VPS4A: variants seen among roughly 807,000 people sequenced by gnomAD.
VPS4A encodes vacuolar protein sorting-associated protein 4A.
Under a neutral mutation model 52.3 loss-of-function variants are expected in VPS4A, and 20 were observed. That is an observed-to-expected ratio of 0.38 (90% CI 0.27 to 0.56). VPS4A has a LOEUF of 0.56. Ranked by LOEUF, VPS4A falls within the 20% of genes least tolerant of loss-of-function variation. The pLI, the probability that VPS4A is intolerant of heterozygous loss-of-function variation, is 0.72. For missense variants in VPS4A, 419 were observed against 575.9 expected, an observed-to-expected ratio of 0.73 and a Z score of 2.79; for synonymous variants, 293 against 227.7, an observed-to-expected ratio of 1.29 and a Z score of -2.58.
At chr16:69,323,556 C>G (rs192069108) in intron 10 of VPS4A, 52 of 445,692 alleles carry the variant, frequency 1.2e-4, no homozygotes, top group African/African-American at 9.2e-4. Flanking sequence ...TGTGTCAAGA[C>G]TGTGACGCAG....
Position 69,321,045 on chromosome 16 carries a change from C to G in VPS4A, c.852-6C>G, listed in dbSNP as rs779690903. On this transcript the variant is annotated splice_region_variant and splice_polypyrimidine_tract_variant and intron_variant, in intron 8 of 10. Transcript: ENST00000254950. This position sits in a 1 kb window ranked among gnomAD's most constrained non-coding sequence, Gnocchi z 4.5. Reference sequence around the variant, plus strand: ...GTCAACTCCTGCCGTGTGCTGGGCTCTCTAGGTTTGAAAAACGAATTTATA... The same window carrying G: ...GTCAACTCCTGCCGTGTGCTGGGCTGTCTAGGTTTGAAAAACGAATTTATA... 18 of 1,573,772 alleles carry G rather than the reference C, an allele frequency of 1.1e-5. No individual in the cohort carries two copies. Among genetic ancestry groups the G allele is most frequent in the Middle Eastern group, 1.7e-4 (1 of 6,014 alleles).
intron 10 of VPS4A, 144 bp downstream of exon 10, chr16:69,322,844 CA>C (rs1299689614): frequency 9.6e-7 from 1 of 1,038,782 alleles, no homozygotes; most frequent in East Asian, 2.7e-5. Flanking sequence ...CCAGGGTGGG[CA>C]GATCACAAGG....
rs1428308202 is a variant in VPS4A, at chr16:69,311,821, G to C, written c.21+289G>C. The stretch of plus-strand genomic sequence containing the variant: ...CGTGGGGATCAGCCTCACCCGAGCC[G>C]CACAGGCACCCTCAGGAAGCTCGGC... On this transcript the variant is annotated intron_variant, in intron 1 of 10. Coordinates refer to ENST00000254950, the MANE Select transcript of VPS4A (RefSeq NM_013245.3). Among the ~76,000 whole-genome samples, 4 of 152,340 alleles carry C rather than the reference G, an allele frequency of 2.6e-5. No homozygotes were observed. The South Asian group carries it at 6.2e-4, about 24-fold the overall frequency.
chr16:69,318,880 G>A lies in VPS4A; in HGVS notation c.401G>A (p.Gly134Glu), dbSNP rs1424893027. 6.2e-7 allele frequency: 1 copy of A among 1,613,726 alleles called. No individual in the cohort carries two copies. The highest frequency in any genetic ancestry group is 1.1e-5 in the South Asian group (1 of 91,080). ...IRWNDVAGLEGAKEALKEAVI... is the reference protein window; with the variant it reads ...IRWNDVAGLEEAKEALKEAVI... Reference sequence around the variant, plus strand: ...TGGAACGACGTGGCCGGGCTGGAGGGGGCCAAGGAGGCCCTCAAAGAAGCT... The same window carrying A: ...TGGAACGACGTGGCCGGGCTGGAGGAGGCCAAGGAGGCCCTCAAAGAAGCT... Residue 134 changes from glycine (G) to glutamate (E), a missense_variant, in exon 5 of 11, where the codon GGG (glycine) becomes GAG (glutamate). Around this residue, in one of 3 missense-constraint regions of VPS4A, gnomAD observed 103 missense variants for 210.3 expected, o/e 0.49. Coordinates refer to ENST00000254950, the MANE Select transcript of VPS4A (RefSeq NM_013245.3).
intron 3 of VPS4A, among the ~76,000 whole-genome samples, chr16:69,316,765 T>G (rs1292000267): frequency 2.0e-5 from 3 of 152,142 alleles, no homozygotes; most frequent in Non-Finnish European, 4.4e-5. Context: ...CCTTGGAGCT[T>G]GGCACACGAG....
chr16:69,324,460 A>C lies in VPS4A; in HGVS notation c.*151A>C. Reference sequence around the variant, plus strand: ...TCTGGCCGTCTGCCAGGGAGCCAGAAGGAAGGGCCTTGCAGCCACAGAGAC... The same window carrying C: ...TCTGGCCGTCTGCCAGGGAGCCAGACGGAAGGGCCTTGCAGCCACAGAGAC... On this transcript the variant is annotated 3_prime_UTR_variant, in exon 11 of 11. Coordinates refer to ENST00000254950, the MANE Select transcript of VPS4A (RefSeq NM_013245.3). 4 of 807,634 alleles carry C rather than the reference A, an allele frequency of 5.0e-6. No individual in the cohort carries two copies. The highest frequency in any genetic ancestry group is 8.0e-6 in the Non-Finnish European group (4 of 502,448). 50.0% of individuals were successfully genotyped at this position (807,634 alleles called of 1,614,324 possible). A position where few individuals can be genotyped will look rare whatever the true frequency, so the allele number is the denominator to read the frequency against.
intron 3 of VPS4A, 57 bp from the exon 4 acceptor site, chr16:69,318,593 G>C (rs531544762): frequency 1.4e-5 from 22 of 1,559,480 alleles, no homozygotes; most frequent in Non-Finnish European, 1.9e-5. Context: ...CTTGCTGGGA[G>C]CACCTCTGTG....
In VPS4A at chr16:69,326,925, T is replaced by G. The variant is rs1039512153; in HGVS notation, c.*2616T>G. 6.6e-6 allele frequency: 1 copy of G among 152,166 alleles called. No homozygotes were observed. Among genetic ancestry groups the G allele is most frequent in the African/African-American group, 2.4e-5 (1 of 41,432 alleles). 9.4% of individuals were successfully genotyped at this position (152,166 alleles called of 1,614,324 possible). On this transcript the variant is annotated 3_prime_UTR_variant, in exon 11 of 11. Transcript: ENST00000254950. ...ATTTTACTGGAAATGCAATAAAGTT[T>G]GCATTTTATTGCTACCGATGCCCAC...
rs868005614 is a variant in VPS4A at position 69,311,519 on chromosome 16, C to T, written c.8C>T (p.Thr3Met). Reference sequence around the variant, plus strand: ...GCGGACCCAGGAGATGAAATGACAACGTCAACCCTCCAGGTACTTCGTGCG... The same window carrying T: ...GCGGACCCAGGAGATGAAATGACAATGTCAACCCTCCAGGTACTTCGTGCG... The part of the protein sequence containing the change: MT[T>M]STLQKAIDLV... The change falls in exon 1 of 11, where the codon ACG (threonine) becomes ATG (methionine). Residue 3 changes from threonine (T) to methionine (M), a missense_variant. By Grantham distance (81) the Thr-to-Met change is moderately conservative. Coordinates refer to ENST00000254950, the MANE Select transcript of VPS4A (RefSeq NM_013245.3). 7.4e-7 allele frequency: 1 copy of T among 1,357,078 alleles called. No individual in the cohort carries two copies. Among genetic ancestry groups the T allele is most frequent in the Non-Finnish European group, 9.6e-7 (1 of 1,042,138 alleles). 84.1% of individuals were successfully genotyped at this position (1,357,078 alleles called of 1,614,324 possible).
intron 3 of VPS4A, among the ~76,000 whole-genome samples, chr16:69,318,300 C>T (rs986062474): frequency 6.6e-6 from 1 of 152,196 alleles, no homozygotes. Flanking sequence ...TGCAGGTGGC[C>T]TCCCAGAGTA....
At chr16:69,311,655 C>G (rs1965379427) in intron 1 of VPS4A, 123 bp downstream of exon 1, 2 of 1,003,634 alleles carry the variant, frequency 2.0e-6, no homozygotes, top group East Asian at 3.8e-5. Flanking sequence ...CGACCCCGCT[C>G]CGGCCGCCCC....
chr16:69,321,185 A>T lies in VPS4A; in HGVS notation c.986A>T (p.Tyr329Phe). 1 of 1,573,930 alleles carries T rather than the reference A, an allele frequency of 6.4e-7. No homozygotes were observed. The highest frequency in any genetic ancestry group is 8.6e-7 in the Non-Finnish European group (1 of 1,160,422). ...GAGCTGGCCCGGAAGACGGAAGGCT[A>T]CTCGGGCGCGGACATCAGCATCATC... ...IHELARKTEG[Y>F]SGADISIIVR... The change falls in exon 9 of 11, where the codon TAC becomes TTC. Residue 329 changes from tyrosine to phenylalanine, a missense_variant. Physicochemically the swap from Tyr to Phe is conservative, Grantham distance 22. This residue lies in a region of VPS4A where 185 missense variants were observed against 200.2 expected (regional missense o/e 0.92). Coordinates refer to ENST00000254950, the MANE Select transcript of VPS4A (RefSeq NM_013245.3). The surrounding 1 kb of genome is among the most constrained non-coding windows in gnomAD (Gnocchi z 4.5).
In VPS4A at chr16:69,320,301, G is replaced by A. The variant is rs773272606; in HGVS notation, c.769+12G>A. ...GGTCCAGATGCAGGGTGTGTGCCGG[G>A]CCCAGGGCCCCCTTGGTTCTTGTTG... On this transcript the variant is annotated intron_variant, in intron 7 of 10. Transcript: ENST00000254950. This position sits in a 1 kb window ranked among gnomAD's most constrained non-coding sequence, Gnocchi z 4.2. The A allele has an allele frequency of 6.2e-7, 1 of 1,609,912 alleles. No individual in the cohort carries two copies. Among genetic ancestry groups the A allele is most frequent in the Non-Finnish European group, 8.5e-7 (1 of 1,176,532 alleles).
In VPS4A at chr16:69,321,247, C is replaced by A; in HGVS notation, c.1048C>A (p.Gln350Lys). Residue 350 changes from glutamine to lysine, a missense_variant, in exon 9 of 11, where the codon CAG becomes AAG. Gln to Lys is a moderately conservative substitution (Grantham distance 53, BLOSUM62 1). Around this residue, in one of 3 missense-constraint regions of VPS4A, gnomAD observed 185 missense variants for 200.2 expected, o/e 0.92. Coordinates refer to ENST00000254950, the MANE Select transcript of VPS4A (RefSeq NM_013245.3). The surrounding 1 kb of genome is among the most constrained non-coding windows in gnomAD (Gnocchi z 4.5). ...DSLMQPVRKVQSATHFKKVCG... is the reference protein window; with the variant it reads ...DSLMQPVRKVKSATHFKKVCG... ...TCTCATGCAGCCCGTGAGGAAGGTGCAGTCGGCCACACACTTCAAAAAGGT... is the reference window on the plus strand; with the variant it reads ...TCTCATGCAGCCCGTGAGGAAGGTGAAGTCGGCCACACACTTCAAAAAGGT... 6.4e-7 allele frequency: 1 copy of A among 1,556,440 alleles called. No homozygotes were observed. Among genetic ancestry groups the A allele is most frequent in the East Asian group, 2.4e-5 (1 of 41,274 alleles).
In VPS4A at chr16:69,311,358, A is replaced by C. The variant is rs1366200595; in HGVS notation, c.-154A>C. The C allele has an allele frequency of 1.2e-6, 1 of 804,098 alleles. No homozygotes were observed. The highest frequency in any genetic ancestry group is 1.7e-6 in the Non-Finnish European group (1 of 599,586). The allele number at this position is 804,098 out of a possible 1,614,324, so 49.8% of individuals were successfully genotyped here. The stretch of plus-strand genomic sequence containing the variant: ...GGCTGCGCTCCTCGCTTGCCCTCGG[A>C]CTCGGCTCCCGCTGCGAGCGGCCGC... On this transcript the variant is annotated 5_prime_UTR_variant, in exon 1 of 11. Coordinates refer to ENST00000254950, the MANE Select transcript of VPS4A (RefSeq NM_013245.3).
At chr16:69,318,219 C>G (rs1022836050) in intron 3 of VPS4A, among the ~76,000 whole-genome samples, 1 of 152,152 alleles carries the variant, frequency 6.6e-6, no homozygotes, top group East Asian at 1.9e-4. Context: ...GCGATCCTCC[C>G]GCCTCAGCCT....
chr16:69,320,302 C>T lies in VPS4A; in HGVS notation c.769+13C>T, dbSNP rs369430102. 246 of 1,609,168 alleles carry T rather than the reference C, an allele frequency of 1.5e-4. No individual in the cohort carries two copies. The highest frequency in any genetic ancestry group is 1.9e-4 in the Non-Finnish European group (218 of 1,176,072). ...GTCCAGATGCAGGGTGTGTGCCGGGCCCAGGGCCCCCTTGGTTCTTGTTGC... is the reference window on the plus strand; with the variant it reads ...GTCCAGATGCAGGGTGTGTGCCGGGTCCAGGGCCCCCTTGGTTCTTGTTGC... On this transcript the variant is annotated intron_variant, in intron 7 of 10. Coordinates refer to ENST00000254950, the MANE Select transcript of VPS4A (RefSeq NM_013245.3). This position sits in a 1 kb window ranked among gnomAD's most constrained non-coding sequence, Gnocchi z 4.2.
Position 69,321,020 on chromosome 16 carries a change from G to C in VPS4A, c.852-31G>C, listed in dbSNP as rs1467792303. 2 of 1,548,288 alleles carry C rather than the reference G, an allele frequency of 1.3e-6. No homozygotes were observed. Among genetic ancestry groups the C allele is most frequent in the South Asian group, 1.2e-5 (1 of 84,204 alleles). On this transcript the variant is annotated intron_variant, in intron 8 of 10. Coordinates refer to ENST00000254950, the MANE Select transcript of VPS4A (RefSeq NM_013245.3). This position sits in a 1 kb window ranked among gnomAD's most constrained non-coding sequence, Gnocchi z 4.5. The stretch of plus-strand genomic sequence containing the variant: ...CGTGAATACCATTCCATCATCCGCT[G>C]TCAACTCCTGCCGTGTGCTGGGCTC...
intron 1 of VPS4A, among the ~76,000 whole-genome samples, chr16:69,312,240 C>G (rs1965386490): frequency 6.6e-6 from 1 of 152,060 alleles, no homozygotes. Flanking sequence ...TGGGGTAATG[C>G]CCTCTAGGTT....
Sources: gnomAD v4.1 joint callset for allele counts (sites outside exome capture counted in the v4.1 genomes callset) on GRCh38, gnomAD v4.1.1 for gene constraint, gnomAD v4.1.1 regional missense constraint, Gnocchi (gnomAD v3.1) non-coding constraint, MANE v1.5 for transcripts, NCBI Gene and HGNC (gene_info 2026-07-23, HGNC 2026-07-21) for gene names.